Variants in ROBO1 observed in about 807,000 individuals in gnomAD.
ROBO1 encodes roundabout homolog 1.
A neutral mutation model predicts 195.9 loss-of-function variants in ROBO1; 149 were observed. The ratio of observed to expected loss-of-function variants is 0.76; its 90% CI spans 0.67 to 0.87. The LOEUF (loss-of-function observed/expected upper bound fraction) is 0.87, where lower values mean the gene tolerates loss of function less well. Among genes scored for constraint, ROBO1 ranks in the 40% least tolerant of loss-of-function variants. The probability of loss-of-function intolerance (pLI) is 0.00; values close to 1 mark genes in which losing one functional copy is unlikely to be tolerated. For missense variants in ROBO1, 1,933 were observed against 2,068.3 expected (o/e 0.93, Z 1.27); for synonymous variants, 816 against 733.2 (o/e 1.11, Z -1.82).
At chr3:79,282,629 A>T (rs1361240660) in intron 2 of ROBO1, among the ~76,000 whole-genome samples, 1 of 152,194 alleles carries the variant, frequency 6.6e-6, no homozygotes, top group East Asian at 1.9e-4. Context: ...TGGCTTGGAG[A>T]ATTAGGTAGA....
At chr3:78,828,613 C>T (rs1351785259) in intron 4 of ROBO1, among the ~76,000 whole-genome samples, 3 of 152,160 alleles carry the variant, frequency 2.0e-5, no homozygotes, top group Non-Finnish European at 4.4e-5. Flanking sequence ...CCAAAGTACA[C>T]AATCTCATAA....
chr3:79,068,730 C>T (rs2079041518), intron 3 of ROBO1, among the ~76,000 whole-genome samples: 1 of 151,492 alleles, frequency 6.6e-6, no homozygotes, highest in South Asian at 2.1e-4. Flanking sequence ...AAGAATAGTC[C>T]CCACTTAAAA....
At chr3:79,480,723 A>G (rs1203323810) in intron 2 of ROBO1, among the ~76,000 whole-genome samples, 1 of 152,170 alleles carries the variant, frequency 6.6e-6, no homozygotes, top group Non-Finnish European at 1.5e-5. Flanking sequence ...GTGGAAATCA[A>G]TGCATATTCA....
chr3:79,447,192 T>C (rs940165607), intron 2 of ROBO1, among the ~76,000 whole-genome samples: 18 of 152,112 alleles, frequency 1.2e-4, no homozygotes, highest in Non-Finnish European at 5.9e-5. Context: ...ACAGACTCGA[T>C]TGCCTCTAAA....
In ROBO1 at chr3:78,614,594, G is replaced by T. The variant is rs1021548365; in HGVS notation, c.4435+54C>A. The T allele has an allele frequency of 3.2e-6, 5 of 1,582,890 alleles. No individual in the cohort carries two copies. In the African/African-American group the frequency reaches 6.7e-5, roughly 21 times the overall value. On this transcript the variant is annotated intron_variant, in intron 28 of 30. Transcript: ENST00000464233. ...GAATGCATTTGCTAGTCCTAGAGAG[G>T]CAGGGTAAATAGGCGAGATTCATAG...
intron 2 of ROBO1, among the ~76,000 whole-genome samples, chr3:79,263,528 T>G (rs187019162): frequency 6.6e-6 from 1 of 151,858 alleles, no homozygotes; most frequent in Non-Finnish European, 1.5e-5. Flanking sequence ...GTGGCATACA[T>G]AGCTACTCAG....
At chr3:79,729,566 T>C (rs998371416) in intron 1 of ROBO1, among the ~76,000 whole-genome samples, 1 of 152,196 alleles carries the variant, frequency 6.6e-6, no homozygotes, top group Non-Finnish European at 1.5e-5. Context: ...AGAGCAAATT[T>C]AAGAGGGTAC....
chr3:78,805,253 TCTTTCC>T (rs948531826), intron 4 of ROBO1, among the ~76,000 whole-genome samples: 2 of 152,180 alleles, frequency 1.3e-5, no homozygotes, highest in Non-Finnish European at 2.9e-5. Flanking sequence ...TGAACTTTTT[TCTTTCC>T]AAGTATTTAC....
chr3:79,186,272 C>T (rs950844771), intron 2 of ROBO1, among the ~76,000 whole-genome samples: 6 of 144,354 alleles, frequency 4.2e-5, no homozygotes, highest in Admixed American at 1.3e-4. Context: ...ATCAATGAAT[C>T]CGGTTCTTCC....
chr3:79,479,103 A>T (rs948237611), intron 2 of ROBO1, among the ~76,000 whole-genome samples: 1 of 152,220 alleles, frequency 6.6e-6, no homozygotes, highest in African/African-American at 2.4e-5. Flanking sequence ...AGCAGAACTT[A>T]ATAAACAATT....
At chr3:78,827,731 C>T (rs1471209839) in intron 4 of ROBO1, among the ~76,000 whole-genome samples, 2 of 152,104 alleles carry the variant, frequency 1.3e-5, no homozygotes, top group Non-Finnish European at 2.9e-5. Flanking sequence ...GCTAATGTGG[C>T]GGCTCATATC....
At chr3:79,257,121 C>A (rs1418118617) in intron 2 of ROBO1, among the ~76,000 whole-genome samples, 2 of 152,200 alleles carry the variant, frequency 1.3e-5, no homozygotes, top group Non-Finnish European at 2.9e-5. Flanking sequence ...AAATTGTAAT[C>A]CTTGGTATAA....
At chr3:78,761,927 A>G (rs1310315662) in intron 4 of ROBO1, among the ~76,000 whole-genome samples, 1 of 152,104 alleles carries the variant, frequency 6.6e-6, no homozygotes, top group African/African-American at 2.4e-5. Context: ...TGTAAATGTT[A>G]GGTTTGTAAA....
intron 1 of ROBO1, among the ~76,000 whole-genome samples, chr3:79,754,505 T>C (rs1704281587): frequency 6.6e-6 from 1 of 152,156 alleles, no homozygotes; most frequent in African/African-American, 2.4e-5. Context: ...CCAAAGTGAA[T>C]GAAGACAAGG....
intron 14 of ROBO1, among the ~76,000 whole-genome samples, chr3:78,665,701 T>C (rs1296758763): frequency 1.3e-5 from 2 of 152,170 alleles, no homozygotes; most frequent in African/African-American, 4.8e-5. Context: ...TTGGTTAATG[T>C]ATTCTTTGTC....
At chr3:78,731,105 G>A (rs2082275983) in intron 5 of ROBO1, among the ~76,000 whole-genome samples, 1 of 152,122 alleles carries the variant, frequency 6.6e-6, no homozygotes, top group Non-Finnish European at 1.5e-5. Flanking sequence ...AATGATCTGT[G>A]TAAAGAGTAT....
intron 2 of ROBO1, among the ~76,000 whole-genome samples, chr3:79,241,016 G>A (rs1397090629): frequency 1.3e-5 from 2 of 152,036 alleles, no homozygotes; most frequent in African/African-American, 4.8e-5. Flanking sequence ...GCAAAATAAT[G>A]TTCTTCTGAC....
At chr3:78,842,569 C>T (rs1280270888) in intron 4 of ROBO1, among the ~76,000 whole-genome samples, 1 of 119,508 alleles carries the variant, frequency 8.4e-6, no homozygotes, top group Non-Finnish European at 1.7e-5. Flanking sequence ...TATATATGAG[C>T]CATTTATATA....
chr3:79,481,923 T>C (rs555334552), intron 2 of ROBO1, among the ~76,000 whole-genome samples: 284 of 152,304 alleles, frequency 1.9e-3, no homozygotes, highest in African/African-American at 5.8e-3. Flanking sequence ...AATAAACTGA[T>C]AGATTATGAC....
Sources: gnomAD v4.1 joint callset for allele counts (sites outside exome capture counted in the v4.1 genomes callset) on GRCh38, gnomAD v4.1.1 for gene constraint, MANE v1.5 for transcripts, NCBI Gene and HGNC (gene_info 2026-07-23, HGNC 2026-07-21) for gene names.